NKAIN3: variants seen among roughly 807,000 people sequenced by gnomAD.
NKAIN3 encodes the protein sodium/potassium transporting ATPase interacting 3.
NKAIN3 carries 25 observed loss-of-function variants against 30.2 expected under a neutral mutation model. That is an observed-to-expected ratio of 0.83 (90% CI 0.60 to 1.16). NKAIN3 has a LOEUF of 1.16. Ranked by LOEUF, NKAIN3 falls within the 50% of genes most tolerant of loss-of-function variation. The probability of loss-of-function intolerance (pLI) is 0.00; values close to 1 mark genes in which losing one functional copy is unlikely to be tolerated. For synonymous variants in NKAIN3, 91 were observed against 89.6 expected, an observed-to-expected ratio of 1.02 and a Z score of -0.09; for missense variants, 225 against 254.1, an observed-to-expected ratio of 0.89 and a Z score of 0.78.
At chr8:62,322,186 A>T (rs1814948138) in intron 1 of NKAIN3, among the ~76,000 whole-genome samples, 1 of 152,176 alleles carries the variant, frequency 6.6e-6, no homozygotes, top group South Asian at 2.1e-4. Flanking sequence ...AAAGTGCAGT[A>T]TTAGGGTGGG....
At chr8:62,919,226 A>ATTTTTTTTTTTTTT (rs1415475110) in intron 5 of NKAIN3, among the ~76,000 whole-genome samples, 1 of 88,440 alleles carries the variant, frequency 1.1e-5, no homozygotes, top group Non-Finnish European at 2.2e-5. Context: ...TTACTTTCAA[A>ATTTTTTTTTTTTTT]ATTTTTTTTT....
intron 1 of NKAIN3, among the ~76,000 whole-genome samples, chr8:62,579,186 C>T (rs1161377574): frequency 6.6e-6 from 1 of 151,622 alleles, no homozygotes; most frequent in African/African-American, 2.4e-5. Flanking sequence ...TGATGTACCC[C>T]TCATAATTAA....
rs998135112 is a variant in NKAIN3 at position 62,979,389 on chromosome 8, T to C, written c.*13982T>C. On this transcript the variant is annotated 3_prime_UTR_variant, in exon 7 of 7. Coordinates refer to ENST00000623646, the MANE Select transcript of NKAIN3 (RefSeq NM_001304533.3). ...TTGCAAATCTGGCAGCTGTCACTGA[T>C]GATTTAAACAAGATTGGGTGACTTA... 6.6e-6 allele frequency: 1 copy of C among 152,192 alleles called. No homozygotes were observed. The highest frequency in any genetic ancestry group is 2.4e-5 in the African/African-American group (1 of 41,448). The allele number at this position is 152,192 out of a possible 1,614,324, so 9.4% of individuals were successfully genotyped here.
chr8:62,261,528 T>C (rs1456955882), intron 1 of NKAIN3, among the ~76,000 whole-genome samples: 1 of 152,222 alleles, frequency 6.6e-6, no homozygotes, highest in African/African-American at 2.4e-5. Flanking sequence ...ACCCAGTTCT[T>C]CCACCTGTTG....
rs1486097019 is a variant in NKAIN3, at chr8:62,746,785, CT to C, written c.274-145del. On this transcript the variant is annotated intron_variant, in intron 3 of 6. Transcript: ENST00000623646. ...TTTAGGCATATAATACATGCAGCCA[CT>C]TGGGGCTTTGTCTTTTGTTACTTTT... 3 of 581,614 alleles carry C rather than the reference CT, an allele frequency of 5.2e-6. No homozygotes were observed. The East Asian group carries it at 8.4e-5, about 16-fold the overall frequency. The allele number at this position is 581,614 out of a possible 1,614,324, so 36.0% of individuals were successfully genotyped here.
chr8:62,593,850 G>A (rs188382060), intron 3 of NKAIN3, among the ~76,000 whole-genome samples: 11 of 152,126 alleles, frequency 7.2e-5, no homozygotes, highest in Admixed American at 5.9e-4. Flanking sequence ...AAAGGCAATA[G>A]TTAAAGTTTA....
intron 1 of NKAIN3, among the ~76,000 whole-genome samples, chr8:62,369,711 T>C (rs1816847176): frequency 6.6e-6 from 1 of 151,822 alleles, no homozygotes; most frequent in Non-Finnish European, 1.5e-5. Flanking sequence ...CATGCATGTT[T>C]TCAAATCCAT....
intron 1 of NKAIN3, among the ~76,000 whole-genome samples, chr8:62,292,427 C>T (rs1377799821): frequency 6.6e-6 from 1 of 152,086 alleles, no homozygotes; most frequent in East Asian, 1.9e-4. Flanking sequence ...GTAAGGCAGG[C>T]CTGATGGTGA....
At chr8:62,831,083 G>A (rs186836251) in intron 4 of NKAIN3, among the ~76,000 whole-genome samples, 142 of 152,124 alleles carry the variant, frequency 9.3e-4, no homozygotes, top group Non-Finnish European at 1.8e-3. Context: ...ACCCATATGC[G>A]CCATCAGTTG....
intron 1 of NKAIN3, among the ~76,000 whole-genome samples, chr8:62,255,620 A>G (rs1026501394): frequency 4.6e-5 from 7 of 152,186 alleles, no homozygotes; most frequent in Non-Finnish European, 1.0e-4. Context: ...TTTAATTAAA[A>G]CCACTTAAAT....
chr8:62,560,714 AT>A (rs1809545209), intron 1 of NKAIN3, among the ~76,000 whole-genome samples: 1 of 150,304 alleles, frequency 6.7e-6, no homozygotes. Context: ...TAATTTTTAT[AT>A]TTTTTAGTAG....
chr8:62,700,756 T>G (rs1814307904), intron 3 of NKAIN3, among the ~76,000 whole-genome samples: 1 of 152,244 alleles, frequency 6.6e-6, no homozygotes. Context: ...AACTGTTTTG[T>G]GTTGTCTAGT....
Position 62,703,676 on chromosome 8 carries a change from T to C in NKAIN3, c.274-43256T>C, listed in dbSNP as rs188996004. 1.6e-3 allele frequency among the ~76,000 whole-genome samples: 238 copies of C among 152,312 alleles called. 1 individual carries two copies. Among genetic ancestry groups the C allele is most frequent in the African/African-American group, 4.4e-3 (182 of 41,576 alleles). Reference sequence around the variant, plus strand: ...TTCCTGTCTCCCTCTTGCTTGGTTTTCTCTCTCATTTAGTGGCGCACATCT... The same window carrying C: ...TTCCTGTCTCCCTCTTGCTTGGTTTCCTCTCTCATTTAGTGGCGCACATCT... On this transcript the variant is annotated intron_variant, in intron 3 of 6. Transcript: ENST00000623646.
intron 1 of NKAIN3, among the ~76,000 whole-genome samples, chr8:62,480,852 A>G (rs11997596): frequency 0.33 from 50,612 of 151,884 alleles, 9,756 homozygotes; most frequent in South Asian, 0.45. Flanking sequence ...GTCTTAGGGA[A>G]CAGAAAGTGG....
Position 62,968,132 on chromosome 8 carries a change from T to C in NKAIN3, c.*2725T>C, listed in dbSNP as rs1040703977. On this transcript the variant is annotated 3_prime_UTR_variant, in exon 7 of 7. Transcript: ENST00000623646. ...ATATTTGCCACTCATCAGAAACAAG[T>C]TAGATTGATCTGCCACCTCCTCTTC... Among the ~76,000 whole-genome samples the C allele has an allele frequency of 6.6e-6, 1 of 152,214 alleles. No homozygotes were observed. The highest frequency in any genetic ancestry group is 2.4e-5 in the African/African-American group (1 of 41,468).
intron 3 of NKAIN3, among the ~76,000 whole-genome samples, chr8:62,731,497 T>C (rs2130545218): frequency 6.6e-6 from 1 of 152,234 alleles, no homozygotes; most frequent in African/African-American, 2.4e-5. Context: ...CACTAGTAAA[T>C]ACTGTTTTGG....
chr8:62,274,489 T>C (rs1255544693), intron 1 of NKAIN3, among the ~76,000 whole-genome samples: 1 of 152,188 alleles, frequency 6.6e-6, no homozygotes, highest in Non-Finnish European at 1.5e-5. Flanking sequence ...GGAAGGTCTC[T>C]GGTTGCTTTA....
chr8:62,769,183 T>G (rs1367941899), intron 4 of NKAIN3, among the ~76,000 whole-genome samples: 1 of 152,184 alleles, frequency 6.6e-6, no homozygotes, highest in Non-Finnish European at 1.5e-5. Flanking sequence ...TATGGAAAAC[T>G]TTTTATTGCA....
At chr8:62,738,666 T>A (rs890617546) in intron 3 of NKAIN3, among the ~76,000 whole-genome samples, 2 of 152,092 alleles carry the variant, frequency 1.3e-5, no homozygotes, top group African/African-American at 4.8e-5. Context: ...TTGCCCACTT[T>A]TTGATGGGGT....
Sources: gnomAD v4.1 joint callset for allele counts (sites outside exome capture counted in the v4.1 genomes callset) on GRCh38, gnomAD v4.1.1 for gene constraint, MANE v1.5 for transcripts, NCBI Gene and HGNC (gene_info 2026-07-23, HGNC 2026-07-21) for gene names.